TMEM131: variants seen among roughly 807,000 people sequenced by gnomAD.
The protein encoded by TMEM131 is 2610524E03Rik.
In TMEM131, 66 loss-of-function variants were observed where a neutral mutation model predicts 211.6. That is an observed-to-expected ratio of 0.31 (90% CI 0.26 to 0.38). The LOEUF is 0.38. TMEM131 is among the 10% of genes least tolerant of loss of function. The probability of loss-of-function intolerance (pLI) is 1.00; values close to 1 mark genes in which losing one functional copy is unlikely to be tolerated. For synonymous variants in TMEM131, 844 were observed against 841.3 expected (o/e 1.00, Z -0.06); for missense variants, 2,036 against 2,299.3 (o/e 0.89, Z 2.34).
intron 4 of TMEM131, among the ~76,000 whole-genome samples, chr2:97,880,236 G>A (rs983677309): frequency 1.3e-5 from 2 of 152,138 alleles, no homozygotes; most frequent in Non-Finnish European, 2.9e-5. Flanking sequence ...TTCTCCCCAG[G>A]TGTGGAGGAC....
At chr2:97,818,392 G>T (rs960839616) in intron 12 of TMEM131, among the ~76,000 whole-genome samples, 1 of 132,280 alleles carries the variant, frequency 7.6e-6, no homozygotes, top group Non-Finnish European at 1.5e-5. Flanking sequence ...TGCTAATACT[G>T]ATTTAGCTTT....
intron 31 of TMEM131, among the ~76,000 whole-genome samples, chr2:97,792,062 T>C (rs1208566916): frequency 6.6e-6 from 1 of 152,222 alleles, no homozygotes; most frequent in Admixed American, 6.5e-5. Flanking sequence ...TCCATTTTAC[T>C]CCTGTGCTCA....
chr2:97,775,050 G>A (rs1679651027), intron 32 of TMEM131, among the ~76,000 whole-genome samples: 1 of 152,170 alleles, frequency 6.6e-6, no homozygotes, highest in Admixed American at 6.5e-5. Flanking sequence ...AAGAAAGTCT[G>A]TTCTACAACA....
At chr2:97,874,632 T>A (rs931607551) in intron 4 of TMEM131, among the ~76,000 whole-genome samples, 1 of 152,302 alleles carries the variant, frequency 6.6e-6, no homozygotes, top group East Asian at 1.9e-4. Flanking sequence ...CTAAGCTTCA[T>A]AAGTGAAGGA....
chr2:97,928,519 GC>G (rs1400217174), intron 1 of TMEM131, among the ~76,000 whole-genome samples: 1 of 151,734 alleles, frequency 6.6e-6, no homozygotes, highest in African/African-American at 2.4e-5. Context: ...AGGATGGAAT[GC>G]ATAAAATGAC....
At chr2:97,916,586 T>C (rs948294269) in intron 2 of TMEM131, among the ~76,000 whole-genome samples, 2 of 152,212 alleles carry the variant, frequency 1.3e-5, no homozygotes, top group African/African-American at 4.8e-5. Context: ...GTTGTAATAT[T>C]GTAAAACTGA....
At chr2:97,945,486 C>G (rs1677991798) in intron 1 of TMEM131, among the ~76,000 whole-genome samples, 1 of 152,110 alleles carries the variant, frequency 6.6e-6, no homozygotes, top group African/African-American at 2.4e-5. Flanking sequence ...AAGTCAACAA[C>G]AGCAAAAAGC....
At chr2:97,990,628 G>A (rs1216739088) in intron 1 of TMEM131, among the ~76,000 whole-genome samples, 1 of 152,190 alleles carries the variant, frequency 6.6e-6, no homozygotes, top group Non-Finnish European at 1.5e-5. Flanking sequence ...GTTTAGATAA[G>A]TGTATACAAC....
chr2:97,766,173 C>G lies in TMEM131; in HGVS notation c.4664G>C (p.Gly1555Ala). 1.2e-6 allele frequency: 2 copies of G among 1,614,024 alleles called. No individual in the cohort carries two copies. Among genetic ancestry groups the G allele is most frequent in the Non-Finnish European group, 1.7e-6 (2 of 1,179,898 alleles). ...QELGNTSSSEGEKDSPPPEWD... is the reference protein window; with the variant it reads ...QELGNTSSSEAEKDSPPPEWD... ...CTCCGGTGGAGGAGAGTCTTTTTCA[C>G]CCTCTGAGCTACTGGTGTTGCCTAA... The change falls in exon 35 of 41, where the codon GGT (glycine) becomes GCT (alanine). Residue 1555 changes from glycine to alanine, a missense_variant. This residue lies in a region of TMEM131 where 1,623 missense variants were observed against 1,805.9 expected (regional missense o/e 0.90). Transcript: ENST00000186436.
intron 4 of TMEM131, among the ~76,000 whole-genome samples, chr2:97,870,757 T>C (rs1259150519): frequency 1.3e-5 from 2 of 152,224 alleles, no homozygotes; most frequent in African/African-American, 2.4e-5. Context: ...CTGTTAAGCA[T>C]AGTTTTGGGC....
intron 3 of TMEM131, among the ~76,000 whole-genome samples, chr2:97,904,554 G>A (rs1432159182): frequency 6.6e-6 from 1 of 152,034 alleles, no homozygotes; most frequent in African/African-American, 2.4e-5. Context: ...TTAAAATAAA[G>A]TTCTTGTAGA....
At chr2:97,898,063 T>G (rs1038496594) in intron 3 of TMEM131, among the ~76,000 whole-genome samples, 1 of 152,122 alleles carries the variant, frequency 6.6e-6, no homozygotes, top group African/African-American at 2.4e-5. Flanking sequence ...CCTATTTCAT[T>G]ACTGATTTTT....
At chr2:97,968,677 C>T (rs1191462102) in intron 1 of TMEM131, among the ~76,000 whole-genome samples, 3 of 152,132 alleles carry the variant, frequency 2.0e-5, no homozygotes, top group Non-Finnish European at 4.4e-5. Flanking sequence ...CTCATCTGTG[C>T]GTAGTGAAGA....
At chr2:97,959,513 TTCTC>T (rs1039112382) in intron 1 of TMEM131, among the ~76,000 whole-genome samples, 16 of 151,824 alleles carry the variant, frequency 1.1e-4, no homozygotes, top group African/African-American at 3.1e-4. Flanking sequence ...CATTCTCCCT[TTCTC>T]TCTCTCTCAT....
At chr2:97,855,449 C>T (rs1673802267) in intron 5 of TMEM131, among the ~76,000 whole-genome samples, 1 of 152,240 alleles carries the variant, frequency 6.6e-6, no homozygotes, top group Non-Finnish European at 1.5e-5. Context: ...CCTGTCATCC[C>T]GGCACTTTGG....
chr2:97,987,532 G>A (rs997513046), intron 1 of TMEM131, among the ~76,000 whole-genome samples: 1 of 151,908 alleles, frequency 6.6e-6, no homozygotes. Flanking sequence ...ACAAAAAAAA[G>A]TCACAAACTG....
intron 6 of TMEM131, 78 bp downstream of exon 6, chr2:97,844,067 G>C: frequency 2.4e-6 from 1 of 413,940 alleles, no homozygotes; most frequent in Non-Finnish European, 4.3e-6. Context: ...GAGTTCCTGA[G>C]TTCTTAAAAG....
intron 1 of TMEM131, among the ~76,000 whole-genome samples, chr2:97,964,868 G>T (rs1322744531): frequency 1.3e-5 from 2 of 152,114 alleles, no homozygotes; most frequent in Admixed American, 1.3e-4. Flanking sequence ...ACTGACTCTT[G>T]GTCTTTACAA....
intron 35 of TMEM131, 77 bp from the exon 36 acceptor site, chr2:97,762,277 T>TA: frequency 7.0e-7 from 1 of 1,431,428 alleles, no homozygotes; most frequent in Middle Eastern, 1.8e-4. Flanking sequence ...GAATGTTCTC[T>TA]AAGACTATGC....
Sources: allele counts gnomAD v4.1 joint callset (sites outside exome capture counted in the v4.1 genomes callset), GRCh38; gene constraint gnomAD v4.1.1; regional missense constraint gnomAD v4.1.1; transcripts MANE v1.5; gene names NCBI Gene and HGNC (gene_info 2026-07-23, HGNC 2026-07-21).